The following CNTN4 variants were observed in gnomAD, a reference collection of about 807,000 sequenced individuals.
The protein encoded by CNTN4 is contactin-4.
Under a neutral mutation model 122.5 loss-of-function variants are expected in CNTN4, and 77 were observed. The ratio of observed to expected loss-of-function variants is 0.63; its 90% confidence interval spans 0.52 to 0.76. The LOEUF is 0.76. CNTN4 is among the 30% of genes least tolerant of loss of function. CNTN4 has a pLI of 0.00. For missense variants in CNTN4, 1,256 were observed against 1,259.1 expected, an observed-to-expected ratio of 1.00 and a Z score of 0.04; for synonymous variants, 512 against 447.0, an observed-to-expected ratio of 1.15 and a Z score of -1.83.
At chr3:2,500,054 T>C (rs2076555293) in intron 3 of CNTN4, among the ~76,000 whole-genome samples, 1 of 152,176 alleles carries the variant, frequency 6.6e-6, no homozygotes, top group South Asian at 2.1e-4. Flanking sequence ...TGTATACAAA[T>C]ACAATAGATT....
At chr3:2,368,248 G>C (rs902449381) in intron 3 of CNTN4, among the ~76,000 whole-genome samples, 1 of 151,428 alleles carries the variant, frequency 6.6e-6, no homozygotes, top group African/African-American at 2.4e-5. Flanking sequence ...TAGCCAGGAT[G>C]GTCTCGATCT....
intron 3 of CNTN4, among the ~76,000 whole-genome samples, chr3:2,437,312 C>T (rs60174949): frequency 6.6e-6 from 1 of 152,228 alleles, no homozygotes; most frequent in African/African-American, 2.4e-5. Flanking sequence ...AAGAAACCTA[C>T]TCCATTAGTG....
At chr3:2,770,067 T>A (rs1375876626) in intron 6 of CNTN4, among the ~76,000 whole-genome samples, 1 of 151,052 alleles carries the variant, frequency 6.6e-6, no homozygotes, top group African/African-American at 2.4e-5. Context: ...TGTCACTCTC[T>A]TGCCCAAGCT....
chr3:3,044,356 C>G (rs1272985160), intron 23 of CNTN4, among the ~76,000 whole-genome samples: 1 of 152,168 alleles, frequency 6.6e-6, no homozygotes, highest in African/African-American at 2.4e-5. Flanking sequence ...TTTTTTATGA[C>G]TTTGCAATGT....
At chr3:2,408,336 C>T (rs1405300186) in intron 3 of CNTN4, among the ~76,000 whole-genome samples, 9 of 152,050 alleles carry the variant, frequency 5.9e-5, no homozygotes, top group East Asian at 1.9e-4. Context: ...GCCTGTCTGC[C>T]GCCTTCAACC....
At chr3:2,194,425 C>T (rs2037739838) in intron 2 of CNTN4, among the ~76,000 whole-genome samples, 2 of 152,224 alleles carry the variant, frequency 1.3e-5, no homozygotes, top group South Asian at 4.1e-4. Flanking sequence ...CGCGCCACTG[C>T]ACTCCAGCCT....
intron 2 of CNTN4, among the ~76,000 whole-genome samples, chr3:2,288,304 G>A (rs2042013744): frequency 6.6e-6 from 1 of 152,166 alleles, no homozygotes; most frequent in South Asian, 2.1e-4. Context: ...TCCACTCATT[G>A]TGGAAGGTGA....
intron 3 of CNTN4, among the ~76,000 whole-genome samples, chr3:2,471,932 T>A (rs1445412766): frequency 2.0e-5 from 3 of 152,176 alleles, no homozygotes; most frequent in Non-Finnish European, 4.4e-5. Context: ...CAAAATGTGA[T>A]CTGAGTAATT....
chr3:2,839,622 G>T (rs1013447544), intron 7 of CNTN4, among the ~76,000 whole-genome samples: 2 of 152,154 alleles, frequency 1.3e-5, no homozygotes, highest in African/African-American at 4.8e-5. Flanking sequence ...CAGTTGAATT[G>T]AAGTGAACCA....
In CNTN4 at chr3:2,305,242, G is replaced by A. The variant is rs111555835; in HGVS notation, c.-144-33936G>A. 1.0e-3 allele frequency among the ~76,000 whole-genome samples: 159 copies of A among 152,262 alleles called. 3 individuals are homozygous for A. Among genetic ancestry groups the A allele is most frequent in the African/African-American group, 3.4e-3 (143 of 41,556 alleles). The stretch of plus-strand genomic sequence containing the variant: ...TGTCAGCCTAGCATGGCAGTAAGTA[G>A]CTTTCTTACCTATTAGAGAATGCCC... On this transcript the variant is annotated intron_variant, in intron 2 of 24. Coordinates refer to ENST00000418658, the MANE Select transcript of CNTN4 (RefSeq NM_175607.3).
intron 23 of CNTN4, among the ~76,000 whole-genome samples, chr3:3,045,457 CATTTGCTGTTCAGCAAT>C (rs1158836357): frequency 6.6e-6 from 1 of 152,224 alleles, no homozygotes; most frequent in Non-Finnish European, 1.5e-5. Context: ...CAGGCAGCAA[CATTTGCTGTTCAGCAAT>C]ATTTGCTGTT....
intron 13 of CNTN4, among the ~76,000 whole-genome samples, chr3:2,976,375 C>T (rs1398617625): frequency 1.3e-5 from 2 of 152,144 alleles, no homozygotes; most frequent in Non-Finnish European, 2.9e-5. Context: ...AGGGTCTGAA[C>T]GCAGCTTGTT....
At chr3:2,205,507 G>T (rs772253651) in intron 2 of CNTN4, among the ~76,000 whole-genome samples, 1 of 151,916 alleles carries the variant, frequency 6.6e-6, no homozygotes, top group Non-Finnish European at 1.5e-5. Flanking sequence ...AGGGACTTCT[G>T]TATTCCTGGA....
chr3:2,463,583 A>C (rs1455995969), intron 3 of CNTN4, among the ~76,000 whole-genome samples: 2 of 152,082 alleles, frequency 1.3e-5, no homozygotes, highest in Admixed American at 1.3e-4. Flanking sequence ...AACATGGTGA[A>C]ACCCCATCTC....
rs188890932 is a variant in CNTN4, at chr3:2,828,149, G to A, written c.454+8568G>A. On this transcript the variant is annotated intron_variant, in intron 7 of 24. Coordinates refer to ENST00000418658, the MANE Select transcript of CNTN4 (RefSeq NM_175607.3). The stretch of plus-strand genomic sequence containing the variant: ...TGTGTATGTGTGTGTGTGTGCGTGT[G>A]TGTATAATGAGAGAAGTGCCCAAAT... Among the ~76,000 whole-genome samples, 565 of 152,158 alleles carry A rather than the reference G, an allele frequency of 3.7e-3. 4 individuals are homozygous for A. Among genetic ancestry groups the A allele is most frequent in the Non-Finnish European group, 2.1e-3 (145 of 68,000 alleles).
chr3:2,162,564 G>A (rs2036012322), intron 2 of CNTN4, among the ~76,000 whole-genome samples: 1 of 152,156 alleles, frequency 6.6e-6, no homozygotes, highest in African/African-American at 2.4e-5. Context: ...AGCTATCATT[G>A]TGCAAAGAGA....
At chr3:2,258,783 T>A (rs1376609618) in intron 2 of CNTN4, among the ~76,000 whole-genome samples, 2 of 151,934 alleles carry the variant, frequency 1.3e-5, no homozygotes, top group African/African-American at 4.8e-5. Flanking sequence ...CTTTTTATAT[T>A]TTTTTATTAT....
rs371817793 is a variant in CNTN4 at position 2,900,699 on chromosome 3, A to G, written c.955A>G (p.Ile319Val). 1 of 1,613,692 alleles carries G rather than the reference A, an allele frequency of 6.2e-7. No homozygotes were observed. Among genetic ancestry groups the G allele is most frequent in the African/African-American group, 1.3e-5 (1 of 74,928 alleles). The change falls in exon 11 of 25, where the codon ATT becomes GTT. Residue 319 changes from isoleucine (I) to valine (V), a missense_variant. Transcript: ENST00000418658. ...GATGCCTATAGCTCAACCTAATTGG[A>G]TTCAAAAAATAAATGATATTCACGT... ...QLTFYAQPNW[I>V]QKINDIHVAM...
At chr3:2,584,788 A>C (rs963895936) in intron 4 of CNTN4, among the ~76,000 whole-genome samples, 3 of 151,726 alleles carry the variant, frequency 2.0e-5, no homozygotes, top group Non-Finnish European at 4.4e-5. Context: ...TTTAAGGGGA[A>C]GGAGGAAGAA....
Sources: gnomAD v4.1 joint callset for allele counts (sites outside exome capture counted in the v4.1 genomes callset) on GRCh38, gnomAD v4.1.1 for gene constraint, MANE v1.5 for transcripts, NCBI Gene and HGNC (gene_info 2026-07-23, HGNC 2026-07-21) for gene names.